ATRNL1: variants seen among roughly 807,000 people sequenced by gnomAD.
The protein encoded by ATRNL1 is attractin-like protein 1.
ATRNL1 carries 95 observed loss-of-function variants against 182.7 expected under a neutral mutation model. The ratio of observed to expected loss-of-function variants is 0.52; its 90% CI spans 0.44 to 0.62. ATRNL1 has a LOEUF of 0.62. Ranked by LOEUF, ATRNL1 falls within the 20% of genes least tolerant of loss-of-function variation. The probability of loss-of-function intolerance (pLI) is 0.00; values close to 1 mark genes in which losing one functional copy is unlikely to be tolerated. For missense variants in ATRNL1, 1,471 were observed against 1,679.5 expected, an observed-to-expected ratio of 0.88 and a Z score of 2.17; for synonymous variants, 576 against 568.3, an observed-to-expected ratio of 1.01 and a Z score of -0.19.
intron 28 of ATRNL1, among the ~76,000 whole-genome samples, chr10:115,916,074 A>C (rs1285119124): frequency 6.6e-6 from 1 of 152,210 alleles, no homozygotes; most frequent in African/African-American, 2.4e-5. Context: ...ATAGTTTTAA[A>C]GTATTTGCAG....
At chr10:115,906,347 A>T (rs1056059463) in intron 28 of ATRNL1, among the ~76,000 whole-genome samples, 4 of 152,150 alleles carry the variant, frequency 2.6e-5, no homozygotes, top group Non-Finnish European at 5.9e-5. Flanking sequence ...CTCTGCCTTA[A>T]CATATTTTAG....
chr10:115,439,291 G>A (rs1554965285), intron 21 of ATRNL1, among the ~76,000 whole-genome samples: 1 of 151,716 alleles, frequency 6.6e-6, no homozygotes, highest in African/African-American at 2.4e-5. Flanking sequence ...GCTCAAACCT[G>A]TGTTGTATAG....
intron 19 of ATRNL1, among the ~76,000 whole-genome samples, chr10:115,341,551 A>G (rs1554938341): frequency 6.6e-6 from 1 of 152,092 alleles, no homozygotes; most frequent in African/African-American, 2.4e-5. Context: ...ATTAAGTCCC[A>G]TGTTTCTTTG....
intron 28 of ATRNL1, among the ~76,000 whole-genome samples, chr10:115,908,042 C>T (rs1165459614): frequency 1.3e-5 from 2 of 152,178 alleles, no homozygotes; most frequent in South Asian, 2.1e-4. Context: ...TTCTAATTCT[C>T]ATTTTTCTGA....
At chr10:115,711,780 T>C (rs1947070101) in intron 26 of ATRNL1, among the ~76,000 whole-genome samples, 1 of 152,166 alleles carries the variant, frequency 6.6e-6, no homozygotes, top group South Asian at 2.1e-4. Flanking sequence ...ATTTCTTATC[T>C]TAAATTATAT....
chr10:115,233,365 A>G lies in ATRNL1; in HGVS notation c.1533-8206A>G, dbSNP rs529038531. Among the ~76,000 whole-genome samples the G allele has an allele frequency of 6.6e-5, 10 of 152,260 alleles. No individual in the cohort carries two copies. In the East Asian group the frequency reaches 1.9e-3, roughly 29 times the overall value. On this transcript the variant is annotated intron_variant, in intron 9 of 28. Transcript: ENST00000355044. ...TTATGATCTGATAGACTGAAAGGCA[A>G]TTGATTTTTTATTACTCTTATGTCT...
intron 10 of ATRNL1, among the ~76,000 whole-genome samples, chr10:115,257,438 C>T (rs1263123825): frequency 6.6e-6 from 1 of 152,284 alleles, no homozygotes; most frequent in East Asian, 1.9e-4. Flanking sequence ...TTATCAGAGA[C>T]TAGGATTGCA....
At chr10:115,439,523 G>T (rs957094223) in intron 21 of ATRNL1, among the ~76,000 whole-genome samples, 3 of 151,706 alleles carry the variant, frequency 2.0e-5, no homozygotes, top group Non-Finnish European at 4.4e-5. Context: ...TTGCTAAATT[G>T]TACTAGTTTT....
chr10:115,944,680 A>C lies in ATRNL1; in HGVS notation c.4041A>C (p.Leu1347=), dbSNP rs1378177613. The change falls in exon 29 of 29, where the codon CTA becomes CTC. Residue 1347 remains leucine, a synonymous_variant. Coordinates refer to ENST00000355044, the MANE Select transcript of ATRNL1 (RefSeq NM_207303.4). ...GQSGLAIASA[L]IDISQQKASD... is the part of the protein sequence containing the mutation. ...CAGGCCTTGCAATTGCCAGTGCCCTAATAGATATTTCACAACAGAAAGCTT... is the reference window on the plus strand; with the variant it reads ...CAGGCCTTGCAATTGCCAGTGCCCTCATAGATATTTCACAACAGAAAGCTT... 4 of 1,612,808 alleles carry C rather than the reference A, an allele frequency of 2.5e-6. No homozygotes were observed. The highest frequency in any genetic ancestry group is 3.4e-6 in the Non-Finnish European group (4 of 1,179,256).
intron 26 of ATRNL1, chr10:115,597,657 C>G (rs1555014515): frequency 2.2e-6 from 1 of 447,030 alleles, no homozygotes; most frequent in Non-Finnish European, 4.5e-6. Flanking sequence ...ACTGCAACCT[C>G]CGCATCCTGG....
intron 19 of ATRNL1, among the ~76,000 whole-genome samples, chr10:115,370,279 G>A (rs1857324912): frequency 6.6e-6 from 1 of 152,198 alleles, no homozygotes; most frequent in African/African-American, 2.4e-5. Flanking sequence ...GTAGAGTGGG[G>A]CACTTCTGAA....
intron 25 of ATRNL1, among the ~76,000 whole-genome samples, chr10:115,531,442 G>C (rs1403586447): frequency 2.0e-5 from 3 of 152,252 alleles, no homozygotes; most frequent in South Asian, 2.1e-4. Context: ...AGAAGTGTCT[G>C]TTCATACCCT....
chr10:115,451,696 G>A lies in ATRNL1; in HGVS notation c.3323-10245G>A, dbSNP rs912741642. The stretch of plus-strand genomic sequence containing the variant: ...ATTAGTTCACCCATTGTGGAAAGCA[G>A]TATGGCAATTCCTCAAAGAGCCAAA... On this transcript the variant is annotated intron_variant, in intron 21 of 28. Coordinates refer to ENST00000355044, the MANE Select transcript of ATRNL1 (RefSeq NM_207303.4). Among the ~76,000 whole-genome samples the A allele has an allele frequency of 1.7e-4, 26 of 152,256 alleles. 1 individual carries two copies. Among genetic ancestry groups the A allele is most frequent in the Admixed American group, 1.6e-3 (25 of 15,280 alleles).
intron 28 of ATRNL1, among the ~76,000 whole-genome samples, chr10:115,850,168 A>G (rs527381885): frequency 1.3e-5 from 2 of 152,274 alleles, no homozygotes; most frequent in South Asian, 2.1e-4. Context: ...AGATGGACTG[A>G]TATGTCATAA....
chr10:115,366,485 G>T (rs1857047999), intron 19 of ATRNL1, among the ~76,000 whole-genome samples: 1 of 152,102 alleles, frequency 6.6e-6, no homozygotes, highest in African/African-American at 2.4e-5. Context: ...TTGCCAGTCT[G>T]TGTCTTTTAA....
intron 9 of ATRNL1, among the ~76,000 whole-genome samples, chr10:115,228,423 G>C (rs1272614130): frequency 1.3e-5 from 2 of 152,108 alleles, no homozygotes; most frequent in Non-Finnish European, 2.9e-5. Flanking sequence ...GAATATTGGG[G>C]TCATTGTGAT....
chr10:115,760,669 G>T (rs1336674571), intron 27 of ATRNL1, among the ~76,000 whole-genome samples: 1 of 152,078 alleles, frequency 6.6e-6, no homozygotes, highest in Non-Finnish European at 1.5e-5. Context: ...ATTCTTATTA[G>T]CTATGAATAA....
chr10:115,139,834 T>C (rs543365705), intron 5 of ATRNL1, among the ~76,000 whole-genome samples: 10 of 152,326 alleles, frequency 6.6e-5, no homozygotes, highest in Non-Finnish European at 1.5e-4. Context: ...AGAAATAAGC[T>C]TTTCCCTTCT....
At chr10:115,483,309 T>A (rs896254000) in intron 24 of ATRNL1, among the ~76,000 whole-genome samples, 1 of 151,486 alleles carries the variant, frequency 6.6e-6, no homozygotes, top group South Asian at 2.1e-4. Context: ...ACTTTCACGC[T>A]GGGAAAAAAA....
Sources: gnomAD v4.1 joint callset for allele counts (sites outside exome capture counted in the v4.1 genomes callset) on GRCh38, gnomAD v4.1.1 for gene constraint, MANE v1.5 for transcripts, NCBI Gene and HGNC (gene_info 2026-07-23, HGNC 2026-07-21) for gene names.